The following UBE2QL1 variants were observed in gnomAD, a reference collection of about 807,000 sequenced individuals.
UBE2QL1 encodes ubiquitin-conjugating enzyme E2Q-like protein 1.
In UBE2QL1, 5 loss-of-function variants were observed where a neutral mutation model predicts 12.6. That is an observed-to-expected ratio of 0.40 (90% CI 0.21 to 0.83). The LOEUF (loss-of-function observed/expected upper bound fraction) is 0.83, where lower values mean the gene tolerates loss of function less well. Among genes scored for constraint, UBE2QL1 ranks in the 40% least tolerant of loss-of-function variants. The pLI is 0.37. For synonymous variants in UBE2QL1, 96 were observed against 94.5 expected, an observed-to-expected ratio of 1.02 and a Z score of -0.10; for missense variants, 99 against 222.6, an observed-to-expected ratio of 0.44 and a Z score of 3.53.
At chr5:6,455,382 A>G (rs897817167) in intron 1 of UBE2QL1, among the ~76,000 whole-genome samples, 2 of 152,182 alleles carry the variant, frequency 1.3e-5, no homozygotes, top group Non-Finnish European at 2.9e-5. Flanking sequence ...TTTATAGTTC[A>G]GGAAACAAAA....
chr5:6,490,891 C>T (rs1734555038), intron 1 of UBE2QL1, among the ~76,000 whole-genome samples: 2 of 152,170 alleles, frequency 1.3e-5, no homozygotes, highest in Admixed American at 6.5e-5. Flanking sequence ...TCCCCTCCTG[C>T]GTGTCTCAGG....
Position 6,449,119 on chromosome 5 carries a change from C to G in UBE2QL1, c.226C>G (p.Leu76Val), listed in dbSNP as rs1183934766. 8.4e-6 allele frequency: 13 copies of G among 1,547,290 alleles called. No individual in the cohort carries two copies. The highest frequency in any genetic ancestry group is 1.1e-5 in the Non-Finnish European group (13 of 1,145,234). Residue 76 changes from leucine (L) to valine (V), a missense_variant, in exon 1 of 2, where the codon CTG becomes GTG. Physicochemically the swap from Leu to Val is conservative, Grantham distance 32 (BLOSUM62 1). Transcript: ENST00000399816. ...PPFMRVLSPRLENGYVLDGGA... is the reference protein window; with the variant it reads ...PPFMRVLSPRVENGYVLDGGA... ...CTTCATGCGGGTGCTCAGCCCGCGC[C>G]TGGAGAACGGCTACGTGCTGGACGG...
chr5:6,448,936 A>C lies in UBE2QL1; in HGVS notation c.43A>C (p.Ile15Leu). The C allele has an allele frequency of 1.3e-6, 2 of 1,546,402 alleles. No homozygotes were observed. Among genetic ancestry groups the C allele is most frequent in the Non-Finnish European group, 1.7e-6 (2 of 1,144,946 alleles). ...QDIARLSDRF[I>L]SVELVDESLF... Reference sequence around the variant, plus strand: ...CATCGCGCGCCTTAGCGACCGCTTCATCTCCGTGGAGCTGGTGGACGAGAG... The same window carrying C: ...CATCGCGCGCCTTAGCGACCGCTTCCTCTCCGTGGAGCTGGTGGACGAGAG... The change falls in exon 1 of 2, where the codon ATC becomes CTC. Residue 15 changes from isoleucine to leucine, a missense_variant. Ile to Leu is a conservative substitution (Grantham distance 5). Coordinates refer to ENST00000399816, the MANE Select transcript of UBE2QL1 (RefSeq NM_001145161.3).
chr5:6,449,261 G>C lies in UBE2QL1; in HGVS notation c.354+14G>C. On this transcript the variant is annotated intron_variant, in intron 1 of 1. Transcript: ENST00000399816. ...GTCAAGGGCCAGGTAAGGCGAGCGC[G>C]CCGGGGCTGGGGGCGCGGGGCCGAG... is the stretch of plus-strand genomic sequence containing the variant. 1 of 1,371,154 alleles carries C rather than the reference G, an allele frequency of 7.3e-7. No individual in the cohort carries two copies. The highest frequency in any genetic ancestry group is 9.4e-7 in the Non-Finnish European group (1 of 1,063,642). 84.9% of individuals were successfully genotyped at this position (1,371,154 alleles called of 1,614,324 possible). A position where few individuals can be genotyped will look rare whatever the true frequency, so the allele number is the denominator to read the frequency against.
At chr5:6,461,544 C>CA (rs1553987859) in intron 1 of UBE2QL1, among the ~76,000 whole-genome samples, 7 of 86,912 alleles carry the variant, frequency 8.1e-5, no homozygotes, top group East Asian at 6.3e-4. Flanking sequence ...GCACCCACCA[C>CA]CCCCCCCCGC....
chr5:6,463,848 C>T lies in UBE2QL1; in HGVS notation c.354+14601C>T, dbSNP rs189474547. On this transcript the variant is annotated intron_variant, in intron 1 of 1. Transcript: ENST00000399816. ...TTCACCATGTTAGCCAAGATGATGTCGATCTCCTGACCTCATGATCCACCC... is the reference window on the plus strand; with the variant it reads ...TTCACCATGTTAGCCAAGATGATGTTGATCTCCTGACCTCATGATCCACCC... Among the ~76,000 whole-genome samples, 272 of 152,040 alleles carry T rather than the reference C, an allele frequency of 1.8e-3. 2 individuals are homozygous for T. Among genetic ancestry groups the T allele is most frequent in the East Asian group, 0.013 (67 of 5,160 alleles).
At chr5:6,455,349 A>G (rs748217699) in intron 1 of UBE2QL1, among the ~76,000 whole-genome samples, 6 of 152,190 alleles carry the variant, frequency 3.9e-5, no homozygotes, top group Non-Finnish European at 7.3e-5. Flanking sequence ...TCAGAGGCAG[A>G]TAAGACACCA....
intron 1 of UBE2QL1, among the ~76,000 whole-genome samples, chr5:6,454,132 T>G (rs1739469834): frequency 6.6e-6 from 1 of 152,140 alleles, no homozygotes; most frequent in Non-Finnish European, 1.5e-5. Flanking sequence ...TCCTCCCACC[T>G]CGGCCTCCCA....
intron 1 of UBE2QL1, among the ~76,000 whole-genome samples, chr5:6,469,002 G>A (rs557439421): frequency 6.6e-6 from 1 of 152,328 alleles, no homozygotes; most frequent in African/African-American, 2.4e-5. Context: ...TCCTGCAGAG[G>A]CTGACAGACT....
chr5:6,449,862 TC>T (rs1331967574), intron 1 of UBE2QL1, among the ~76,000 whole-genome samples: 1 of 88,000 alleles, frequency 1.1e-5, no homozygotes, highest in African/African-American at 4.0e-5. Flanking sequence ...ATCTCCCACC[TC>T]CCCAACCCCC....
intron 1 of UBE2QL1, among the ~76,000 whole-genome samples, chr5:6,490,901 G>GA (rs1734555158): frequency 6.6e-6 from 1 of 152,158 alleles, no homozygotes; most frequent in South Asian, 2.1e-4. Context: ...CGTGTCTCAG[G>GA]AACTGGGGCA....
At chr5:6,489,640 A>G (rs6650965) in intron 1 of UBE2QL1, among the ~76,000 whole-genome samples, 29,629 of 152,128 alleles carry the variant, frequency 0.19, 6,381 homozygotes, top group African/African-American at 0.53. Flanking sequence ...ATACAAGCAT[A>G]TGAAATGGCC....
At chr5:6,471,329 C>T (rs1454282865) in intron 1 of UBE2QL1, among the ~76,000 whole-genome samples, 1 of 152,206 alleles carries the variant, frequency 6.6e-6, no homozygotes, top group Non-Finnish European at 1.5e-5. Context: ...TGCTGCATGC[C>T]TGGGTGCCTC....
At position 6,476,236 on chromosome 5, in the gene UBE2QL1, C is replaced by G. The variant is rs1186511407; in HGVS notation, c.355-14982C>G. Among the ~76,000 whole-genome samples the G allele has an allele frequency of 6.6e-6, 1 of 152,172 alleles. No individual in the cohort carries two copies. The highest frequency in any genetic ancestry group is 1.5e-5 in the Non-Finnish European group (1 of 68,032). ...TGCAGAGGAGACACCTCTGCTGCCT[C>G]TGCAGAGCCTGCACCTCAGCAGCAC... On this transcript the variant is annotated intron_variant, in intron 1 of 1. Transcript: ENST00000399816. The surrounding 1 kb of genome is among the most constrained non-coding windows in gnomAD (Gnocchi z 4.9).
chr5:6,483,103 T>C (rs915218693), intron 1 of UBE2QL1, among the ~76,000 whole-genome samples: 1 of 152,166 alleles, frequency 6.6e-6, no homozygotes, highest in Non-Finnish European at 1.5e-5. Context: ...TTCTGTACAC[T>C]CTCTTCCACG....
chr5:6,454,817 G>A (rs1388898599), intron 1 of UBE2QL1, among the ~76,000 whole-genome samples: 1 of 152,162 alleles, frequency 6.6e-6, no homozygotes, highest in East Asian at 1.9e-4. Flanking sequence ...ACTGTGTTGT[G>A]TCCTGCACTG....
At chr5:6,482,383 A>G (rs555920103) in intron 1 of UBE2QL1, among the ~76,000 whole-genome samples, 52 of 152,182 alleles carry the variant, frequency 3.4e-4, no homozygotes, top group Non-Finnish European at 4.9e-4. Context: ...CCCCCCAGCA[A>G]GCTCTGACTC....
Position 6,479,867 on chromosome 5 carries a change from C to G in UBE2QL1, c.355-11351C>G, listed in dbSNP as rs1734322733. Among the ~76,000 whole-genome samples, 1 of 152,140 alleles carries G rather than the reference C, an allele frequency of 6.6e-6. No individual in the cohort carries two copies. Among genetic ancestry groups the G allele is most frequent in the Non-Finnish European group, 1.5e-5 (1 of 68,020 alleles). ...GTCAGGCAGGTAGCGTGTGCCGAGG[C>G]CCCCACATGTGCTGCAAAGACCAGA... On this transcript the variant is annotated intron_variant, in intron 1 of 1. Transcript: ENST00000399816. This position sits in a 1 kb window ranked among gnomAD's most constrained non-coding sequence, Gnocchi z 4.2.
chr5:6,490,249 G>A (rs1042978568), intron 1 of UBE2QL1, among the ~76,000 whole-genome samples: 6 of 152,192 alleles, frequency 3.9e-5, no homozygotes, highest in African/African-American at 1.4e-4. Context: ...GTCCAACTGA[G>A]GCCAGCATCA....
Sources: allele counts gnomAD v4.1 joint callset (sites outside exome capture counted in the v4.1 genomes callset), GRCh38; gene constraint gnomAD v4.1.1; non-coding constraint Gnocchi (gnomAD v3.1); transcripts MANE v1.5; gene names NCBI Gene and HGNC (gene_info 2026-07-23, HGNC 2026-07-21).